MAX: variants seen among roughly 807,000 people sequenced by gnomAD.
MAX encodes MYC associated transcriptional regulator X, also known as protein max.
MAX carries 3 observed loss-of-function variants against 22.3 expected under a neutral mutation model. The ratio of observed to expected loss-of-function variants is 0.13; its 90% CI spans 0.06 to 0.35. MAX has a LOEUF of 0.35. MAX is among the 10% of genes least tolerant of loss of function. MAX has a pLI of 1.00. For synonymous variants in MAX, 72 were observed against 77.7 expected (o/e 0.93, Z 0.39); for missense variants, 119 against 209.4 (o/e 0.57, Z 2.66).
intron 3 of MAX, among the ~76,000 whole-genome samples, chr14:65,081,631 T>C (rs547927896): frequency 2.0e-5 from 3 of 152,374 alleles, no homozygotes; most frequent in Admixed American, 2.0e-4. Flanking sequence ...TGAGTGTGAC[T>C]GATCAGATAG....
intron 3 of MAX, chr14:65,061,194 C>T: frequency 1.9e-6 from 3 of 1,614,078 alleles, no homozygotes; most frequent in Non-Finnish European, 2.5e-6. Context: ...CCCACTCACC[C>T]AGTGTACAAC....
rs1566562922 is a variant in MAX, at chr14:65,037,751, TATTTA to T, written c.172-31472_172-31468del. 8.4e-3 allele frequency among the ~76,000 whole-genome samples: 897 copies of T among 106,838 alleles called. 13 individuals carry two copies. Among genetic ancestry groups the T allele is most frequent in the African/African-American group, 0.025 (666 of 26,670 alleles). The allele number at this position is 106,838 out of a possible 152,430, so 70.1% of individuals were successfully genotyped here. A position where few individuals can be genotyped will look rare whatever the true frequency, so the allele number is the denominator to read the frequency against. ...CTTATTTATTTATTTATTATTTATTTATTTATTTATTTATTTATTTATTTATTTAT... is the reference window on the plus strand; with the variant it reads ...CTTATTTATTTATTTATTATTTATTTTTTATTTATTTATTTATTTATTTAT... On this transcript the variant is annotated intron_variant, in intron 3 of 3. Transcript: ENST00000341653.
In MAX at chr14:65,027,445, G is replaced by A. The variant is rs1305951585; in HGVS notation, c.172-21161C>T. ...GACTTTGTTTTTGCCCTTTGGCTGT[G>A]TACCTAGTGTGTGTCAGTTCCTGGA... On this transcript the variant is annotated intron_variant, in intron 3 of 3. Coordinates refer to the MAX transcript ENST00000341653. This position sits in a 1 kb window ranked among gnomAD's most constrained non-coding sequence, Gnocchi z 5.7. The A allele has an allele frequency of 1.2e-6, 2 of 1,614,086 alleles. No homozygotes were observed. Among genetic ancestry groups the A allele is most frequent in the Admixed American group, 3.3e-5 (2 of 60,014 alleles).
rs546589352 is a variant in MAX at position 65,062,965 on chromosome 14, G to C, written c.171+30743C>G. Among the ~76,000 whole-genome samples the C allele has an allele frequency of 6.6e-6, 1 of 152,358 alleles. No individual in the cohort carries two copies. Among genetic ancestry groups the C allele is most frequent in the Admixed American group, 6.5e-5 (1 of 15,308 alleles). The stretch of plus-strand genomic sequence containing the variant: ...GCAAGGACTGGGCCTAGTAGCCCCA[G>C]AGCAGGCTGACTTAGCAAGGGTGGG... On this transcript the variant is annotated intron_variant, in intron 3 of 3. Coordinates refer to the MAX transcript ENST00000341653. This position sits in a 1 kb window ranked among gnomAD's most constrained non-coding sequence, Gnocchi z 4.3.
At chr14:65,052,621 TTAG>T (rs1477141176) in intron 3 of MAX, among the ~76,000 whole-genome samples, 2 of 152,220 alleles carry the variant, frequency 1.3e-5, no homozygotes, top group East Asian at 3.8e-4. Flanking sequence ...TGTCAGTACC[TTAG>T]TAGTATTACC....
chr14:65,046,945 T>C (rs984681893), intron 3 of MAX, among the ~76,000 whole-genome samples: 1 of 152,046 alleles, frequency 6.6e-6, no homozygotes, highest in Non-Finnish European at 1.5e-5. Context: ...ACAGGGAAAT[T>C]CTACAAACAA....
chr14:65,046,007 G>T (rs914362219), intron 3 of MAX, among the ~76,000 whole-genome samples: 1 of 151,828 alleles, frequency 6.6e-6, no homozygotes, highest in African/African-American at 2.4e-5. Flanking sequence ...TTTTTTTTGA[G>T]ACGGAGTTTC....
chr14:65,067,019 TA>T (rs35809647), intron 3 of MAX, among the ~76,000 whole-genome samples: 464 of 137,718 alleles, frequency 3.4e-3, no homozygotes, highest in Admixed American at 3.4e-3. Context: ...CTACAAAAAT[TA>T]AAAAAAAAAA....
At chr14:65,081,169 T>C (rs1231750287) in intron 3 of MAX, among the ~76,000 whole-genome samples, 1 of 152,226 alleles carries the variant, frequency 6.6e-6, no homozygotes, top group African/African-American at 2.4e-5. Context: ...AAAGCAGAAG[T>C]GCCCCTGGTC....
chr14:65,051,338 G>A lies in MAX; in HGVS notation c.171+42370C>T, dbSNP rs113334621. On this transcript the variant is annotated intron_variant, in intron 3 of 3. Transcript: ENST00000341653. ...ATATTCAACAATTTAGGCTGGGTGC[G>A]GTGGCCCATGCCTGTAATCCCAGTA... 1.2e-3 allele frequency among the ~76,000 whole-genome samples: 188 copies of A among 152,264 alleles called. 1 individual carries two copies. Among genetic ancestry groups the A allele is most frequent in the African/African-American group, 4.5e-3 (185 of 41,560 alleles).
At chr14:65,058,408 T>C (rs2062790583) in intron 3 of MAX, among the ~76,000 whole-genome samples, 1 of 152,174 alleles carries the variant, frequency 6.6e-6, no homozygotes, top group African/African-American at 2.4e-5. Context: ...GCCACCTTGT[T>C]GAACTCTTTA....
downstream of MAX, among the ~76,000 whole-genome samples, chr14:65,071,290 C>T (rs539415089): frequency 2.0e-5 from 3 of 152,186 alleles, no homozygotes; most frequent in East Asian, 5.8e-4. The surrounding 1 kb of genome is among the most constrained non-coding windows in gnomAD (Gnocchi z 4.2). Flanking sequence ...CACAGGCATG[C>T]AACACTATGC....
chr14:65,068,602 ATTAT>A, intron 3 of MAX, among the ~76,000 whole-genome samples: 1 of 151,876 alleles, frequency 6.6e-6, no homozygotes, highest in African/African-American at 2.4e-5. Flanking sequence ...CCAATGCTAC[ATTAT>A]TTATTTTGTT....
At position 65,031,915 on chromosome 14, in the gene MAX, T is replaced by G. The variant is rs957015096; in HGVS notation, c.172-25631A>C. On this transcript the variant is annotated intron_variant, in intron 3 of 3. Transcript: ENST00000341653. This position sits in a 1 kb window ranked among gnomAD's most constrained non-coding sequence, Gnocchi z 4.6. ...TAGCCTGGGCGACAGAGTGAGACCCTGTCTCAATAAAAACCAAAACAAAAG... is the reference window on the plus strand; with the variant it reads ...TAGCCTGGGCGACAGAGTGAGACCCGGTCTCAATAAAAACCAAAACAAAAG... 5.9e-5 allele frequency among the ~76,000 whole-genome samples: 9 copies of G among 151,990 alleles called. No individual in the cohort carries two copies. Among genetic ancestry groups the G allele is most frequent in the African/African-American group, 2.2e-4 (9 of 41,376 alleles).
rs374817067 is a variant in MAX at position 65,030,369 on chromosome 14, T to C, written c.172-24085A>G. ...GCTAAAAATGCTGGTAGGATCATAA[T>C]GCATGCAGCTTCTGCAGAGACTTCT... On this transcript the variant is annotated intron_variant, in intron 3 of 3. Coordinates refer to the MAX transcript ENST00000341653. This position sits in a 1 kb window ranked among gnomAD's most constrained non-coding sequence, Gnocchi z 4.5. Among the ~76,000 whole-genome samples, 3 of 152,222 alleles carry C rather than the reference T, an allele frequency of 2.0e-5. No individual in the cohort carries two copies. Among genetic ancestry groups the C allele is most frequent in the Admixed American group, 6.5e-5 (1 of 15,276 alleles).
Position 65,079,031 on chromosome 14 carries a change from G to C in MAX, c.172-995C>G, listed in dbSNP as rs1248179922. Among the ~76,000 whole-genome samples, 1 of 152,150 alleles carries C rather than the reference G, an allele frequency of 6.6e-6. No individual in the cohort carries two copies. Among genetic ancestry groups the C allele is most frequent in the Non-Finnish European group, 1.5e-5 (1 of 68,030 alleles). On this transcript the variant is annotated intron_variant, in intron 3 of 4. Coordinates refer to ENST00000358664, the MANE Select transcript of MAX (RefSeq NM_002382.5). The surrounding 1 kb of genome is among the most constrained non-coding windows in gnomAD (Gnocchi z 4.5). ...GAACTGTACTCCTCCCATCTCCTCT[G>C]GTTCTTTAGGTTGCTTTAAAGTCTT... is the stretch of plus-strand genomic sequence containing the variant.
In MAX at chr14:65,043,697, C is replaced by T. The variant is rs993524177; in HGVS notation, c.172-37413G>A. 2.6e-5 allele frequency among the ~76,000 whole-genome samples: 4 copies of T among 151,302 alleles called. No individual in the cohort carries two copies. In the South Asian group the frequency reaches 8.4e-4, roughly 32 times the overall value. On this transcript the variant is annotated intron_variant, in intron 3 of 3. Transcript: ENST00000341653. ...ATTAGCCGGGCGCGGTGGCGGGCGC[C>T]TGTGGTCCCAGCTACTCGGGAGGCT...
chr14:65,070,860 C>T (rs907813236), downstream of MAX, among the ~76,000 whole-genome samples: 4 of 152,188 alleles, frequency 2.6e-5, no homozygotes, highest in Admixed American at 1.3e-4. The surrounding 1 kb of genome is among the most constrained non-coding windows in gnomAD (Gnocchi z 4.4). Context: ...GCCTGCCACC[C>T]GGCACTGCAG....
At position 65,011,961 on chromosome 14, in the gene MAX, A is replaced by G. The variant is rs561000747; in HGVS notation, c.172-5677T>C. ...TAAATTGCTTATAGGATGGGGAGGC[A>G]CAAAGATATCTGTTCTTAGATGCTG... On this transcript the variant is annotated intron_variant, in intron 3 of 3. Transcript: ENST00000341653. The surrounding 1 kb of genome is among the most constrained non-coding windows in gnomAD (Gnocchi z 4.0). 9.8e-5 allele frequency among the ~76,000 whole-genome samples: 15 copies of G among 152,302 alleles called. 1 individual carries two copies. Among genetic ancestry groups the G allele is most frequent in the African/African-American group, 3.4e-4 (14 of 41,570 alleles).
Sources: allele counts gnomAD v4.1 joint callset (sites outside exome capture counted in the v4.1 genomes callset), GRCh38; gene constraint gnomAD v4.1.1; non-coding constraint Gnocchi (gnomAD v3.1); transcripts MANE v1.5; gene names NCBI Gene and HGNC (gene_info 2026-07-23, HGNC 2026-07-21).